The following PCSK2 variants were observed in gnomAD, a reference collection of about 807,000 sequenced individuals.
PCSK2 encodes neuroendocrine convertase 2.
A neutral mutation model predicts 69.7 loss-of-function variants in PCSK2; 14 were observed. The ratio of observed to expected loss-of-function variants is 0.20; its 90% CI spans 0.13 to 0.31. PCSK2 has a LOEUF of 0.31. Ranked by LOEUF, PCSK2 falls within the 10% of genes least tolerant of loss-of-function variation. The pLI is 1.00. For missense variants in PCSK2, 544 were observed against 842.5 expected (o/e 0.65, Z 4.39); for synonymous variants, 307 against 320.7 (o/e 0.96, Z 0.46).
intron 1 of PCSK2, among the ~76,000 whole-genome samples, chr20:17,257,617 A>T (rs1366575462): frequency 6.6e-6 from 1 of 152,208 alleles, no homozygotes; most frequent in Non-Finnish European, 1.5e-5. Flanking sequence ...AAGACCTTGA[A>T]TCAATAAGGC....
chr20:17,463,500 C>CT (rs1468536706), intron 10 of PCSK2: 1 of 151,064 alleles, frequency 6.6e-6, no homozygotes, highest in East Asian at 2.0e-4. Flanking sequence ...TGCTTCTTTT[C>CT]TTTTTTTCTT....
chr20:17,376,495 G>T (rs2030931571), intron 5 of PCSK2, among the ~76,000 whole-genome samples: 1 of 152,100 alleles, frequency 6.6e-6, no homozygotes, highest in Non-Finnish European at 1.5e-5. Flanking sequence ...GCCTATCCTA[G>T]ACCTACTGAA....
At chr20:17,340,176 C>A (rs773943241) in intron 2 of PCSK2, among the ~76,000 whole-genome samples, 5 of 152,202 alleles carry the variant, frequency 3.3e-5, no homozygotes, top group Non-Finnish European at 5.9e-5. Flanking sequence ...AACACACAGG[C>A]GGCATGGAGG....
intron 5 of PCSK2, among the ~76,000 whole-genome samples, chr20:17,386,718 T>C (rs1444029449): frequency 6.6e-6 from 1 of 152,196 alleles, no homozygotes; most frequent in Non-Finnish European, 1.5e-5. Context: ...ATTGTTTGCA[T>C]AGGTACTTAA....
At chr20:17,262,358 A>G (rs190117456) in intron 2 of PCSK2, among the ~76,000 whole-genome samples, 2 of 152,286 alleles carry the variant, frequency 1.3e-5, no homozygotes, top group East Asian at 1.9e-4. Flanking sequence ...AGTATCCTAT[A>G]TCTTTTCCCT....
intron 1 of PCSK2, among the ~76,000 whole-genome samples, chr20:17,239,970 C>T (rs1269722321): frequency 1.3e-5 from 2 of 149,564 alleles, no homozygotes; most frequent in Non-Finnish European, 3.0e-5. Flanking sequence ...TCTCCTGCCT[C>T]AGCCTCCCAA....
chr20:17,262,892 G>A (rs1245198024), intron 2 of PCSK2, among the ~76,000 whole-genome samples: 8 of 152,180 alleles, frequency 5.3e-5, no homozygotes, highest in Admixed American at 1.3e-4. Flanking sequence ...TCCCTGAAAT[G>A]TACTGTCTCC....
At chr20:17,275,069 T>C (rs1379838734) in intron 2 of PCSK2, among the ~76,000 whole-genome samples, 2 of 122,110 alleles carry the variant, frequency 1.6e-5, no homozygotes, top group Non-Finnish European at 3.4e-5. Flanking sequence ...TCTTATTTTG[T>C]GCATATTATT....
At chr20:17,418,896 A>G (rs2032060905) in intron 6 of PCSK2, among the ~76,000 whole-genome samples, 1 of 152,202 alleles carries the variant, frequency 6.6e-6, no homozygotes, top group African/African-American at 2.4e-5. Flanking sequence ...GTTGCTATTA[A>G]CTATTCCAGC....
At chr20:17,271,083 A>G (rs886369357) in intron 2 of PCSK2, among the ~76,000 whole-genome samples, 6 of 152,092 alleles carry the variant, frequency 3.9e-5, no homozygotes, top group African/African-American at 1.4e-4. Flanking sequence ...TCCTTCCTTT[A>G]CATGTCTTTC....
chr20:17,309,711 G>T (rs546344712), intron 2 of PCSK2, among the ~76,000 whole-genome samples: 4 of 152,134 alleles, frequency 2.6e-5, no homozygotes, highest in South Asian at 4.2e-4. Flanking sequence ...CCTGCTACTC[G>T]GGAGGATGAG....
At chr20:17,299,468 C>T (rs892458678) in intron 2 of PCSK2, among the ~76,000 whole-genome samples, 4 of 151,960 alleles carry the variant, frequency 2.6e-5, no homozygotes, top group African/African-American at 9.7e-5. Flanking sequence ...TTTTAACAAC[C>T]ATATTTTTAA....
At chr20:17,427,280 T>G (rs1292117520) in intron 6 of PCSK2, among the ~76,000 whole-genome samples, 1 of 152,216 alleles carries the variant, frequency 6.6e-6, no homozygotes, top group Admixed American at 6.5e-5. Context: ...AGTACATATA[T>G]AAATACATGC....
intron 2 of PCSK2, among the ~76,000 whole-genome samples, chr20:17,260,883 A>G (rs574027889): frequency 6.6e-6 from 1 of 152,090 alleles, no homozygotes; most frequent in East Asian, 1.9e-4. Flanking sequence ...TCTAGCACTG[A>G]TCTAATTTGC....
chr20:17,227,001 T>C, upstream of PCSK2: 1 of 232,824 alleles, frequency 4.3e-6, no homozygotes, highest in South Asian at 1.4e-4. Context: ...GAGGAGGAGC[T>C]GAAAATGCAG....
chr20:17,328,408 A>G (rs1990122687), intron 2 of PCSK2, among the ~76,000 whole-genome samples: 1 of 148,662 alleles, frequency 6.7e-6, no homozygotes, highest in Non-Finnish European at 1.5e-5. Flanking sequence ...ATGCAATTAT[A>G]TATATTATAA....
chr20:17,415,413 T>G (rs2031977428), intron 6 of PCSK2, among the ~76,000 whole-genome samples: 1 of 152,122 alleles, frequency 6.6e-6, no homozygotes, highest in Non-Finnish European at 1.5e-5. Context: ...GAAAGTCAAA[T>G]CATAAGTGAA....
At chr20:17,248,178 GTGT>G (rs1568568989) in intron 1 of PCSK2, among the ~76,000 whole-genome samples, 22 of 43,344 alleles carry the variant, frequency 5.1e-4, no homozygotes, top group Admixed American at 9.5e-4. Flanking sequence ...AAAAAAGGGT[GTGT>G]GTGTGTGTGT....
rs1388507162 is a variant in PCSK2 at position 17,483,937 on chromosome 20, A to G, written c.*1867A>G. ...ATATGTAGACTATATACATGTGTGT[A>G]TATATGTGTATATATACATACACTT... On this transcript the variant is annotated 3_prime_UTR_variant, in exon 12 of 12. Coordinates refer to ENST00000262545, the MANE Select transcript of PCSK2 (RefSeq NM_002594.5). 1 of 152,608 alleles carries G rather than the reference A, an allele frequency of 6.6e-6. No individual in the cohort carries two copies. The highest frequency in any genetic ancestry group is 6.5e-5 in the Admixed American group (1 of 15,276). The allele number at this position is 152,608 out of a possible 1,614,324, so 9.5% of individuals were successfully genotyped here. A position where few individuals can be genotyped will look rare whatever the true frequency, so the allele number is the denominator to read the frequency against.
Sources: allele counts gnomAD v4.1 joint callset (sites outside exome capture counted in the v4.1 genomes callset), GRCh38; gene constraint gnomAD v4.1.1; transcripts MANE v1.5; gene names NCBI Gene and HGNC (gene_info 2026-07-23, HGNC 2026-07-21).